The following AFG3L2 variants were observed in gnomAD, a reference collection of about 807,000 sequenced individuals.
The protein encoded by AFG3L2 is mitochondrial inner membrane m-AAA protease component AFG3L2.
AFG3L2 carries 54 observed loss-of-function variants against 94.5 expected under a neutral mutation model. The observed-to-expected ratio is 0.57, with a 90% CI of 0.46 to 0.72. The LOEUF (loss-of-function observed/expected upper bound fraction) is 0.72, where lower values mean the gene tolerates loss of function less well. Ranked by LOEUF, AFG3L2 falls within the 30% of genes least tolerant of loss-of-function variation. The pLI, the probability that AFG3L2 is intolerant of heterozygous loss-of-function variation, is 0.00. For synonymous variants in AFG3L2, 377 were observed against 365.5 expected, an observed-to-expected ratio of 1.03 and a Z score of -0.36; for missense variants, 754 against 994.9, an observed-to-expected ratio of 0.76 and a Z score of 3.26.
intron 9 of AFG3L2, among the ~76,000 whole-genome samples, chr18:12,354,099 G>A (rs1908408799): frequency 2.0e-5 from 3 of 148,930 alleles, no homozygotes. Context: ...CCTTCAAGGA[G>A]AATCAGAGAC....
At chr18:12,343,704 T>C (rs1598824946) in intron 14 of AFG3L2, 3 of 224,634 alleles carry the variant, frequency 1.3e-5, no homozygotes, top group South Asian at 1.3e-4. Context: ...TTGGTAGTTT[T>C]CTTGCTTCTG....
At chr18:12,342,035 T>G (rs1485741319) in intron 14 of AFG3L2, 1 of 152,062 alleles carries the variant, frequency 6.6e-6, no homozygotes, top group African/African-American at 2.4e-5. Context: ...TCTGGCTAAT[T>G]TTTCTATTTT....
intron 12 of AFG3L2, 82 bp from the exon 13 acceptor site, chr18:12,348,465 A>G (rs1435281914): frequency 6.5e-6 from 7 of 1,069,532 alleles, no homozygotes; most frequent in Non-Finnish European, 1.0e-5. Context: ...CCAAATCCAT[A>G]GTTAATTTTT....
Position 12,351,511 on chromosome 18 carries a change from C to T in AFG3L2, c.1319-98G>A. ...TATGAGCACTGCAAATTCATAGCTACAGTAAACACATTTTCTATTCATTAT... is the reference window on the plus strand; with the variant it reads ...TATGAGCACTGCAAATTCATAGCTATAGTAAACACATTTTCTATTCATTAT... On this transcript the variant is annotated intron_variant, in intron 10 of 16. Transcript: ENST00000269143. The T allele has an allele frequency of 5.0e-6, 5 of 993,450 alleles. No individual in the cohort carries two copies. The South Asian group carries it at 5.4e-5, about 11-fold the overall frequency. 61.5% of individuals were successfully genotyped at this position (993,450 alleles called of 1,614,324 possible).
intron 13 of AFG3L2, 123 bp from the exon 14 acceptor site, chr18:12,344,370 A>G: frequency 1.3e-6 from 1 of 799,650 alleles, no homozygotes; most frequent in Non-Finnish European, 2.1e-6. Context: ...GCTGCCTATC[A>G]CAATCCAAAA....
chr18:12,366,693 G>C (rs918026853), intron 5 of AFG3L2, among the ~76,000 whole-genome samples: 2 of 152,182 alleles, frequency 1.3e-5, no homozygotes, highest in African/African-American at 4.8e-5. Context: ...GGCGCAAGCA[G>C]AGGACTGCCA....
chr18:12,337,226 G>T, intron 16 of AFG3L2, 115 bp downstream of exon 16: 1 of 929,170 alleles, frequency 1.1e-6, no homozygotes, highest in Non-Finnish European at 1.8e-6. Context: ...CGGACCCATG[G>T]GTGAGCCAGA....
Position 12,356,691 on chromosome 18 carries a change from C to T in AFG3L2, c.1164+3G>A, listed in dbSNP as rs1325811534. 1 of 1,614,036 alleles carries T rather than the reference C, an allele frequency of 6.2e-7. No individual in the cohort carries two copies. The highest frequency in any genetic ancestry group is 1.3e-5 in the African/African-American group (1 of 74,908). Reference sequence around the variant, plus strand: ...TGTACCATCCGAACAGAATGAGACTCACTCTAGCAGGGCCCACACCAACGA... The same window carrying T: ...TGTACCATCCGAACAGAATGAGACTTACTCTAGCAGGGCCCACACCAACGA... On this transcript the variant is annotated splice_donor_region_variant and intron_variant, in intron 9 of 16. Transcript: ENST00000269143.
At chr18:12,333,055 AGAT>A (rs1480022552) in intron 16 of AFG3L2, among the ~76,000 whole-genome samples, 8 of 6,950 alleles carry the variant, frequency 1.2e-3, no homozygotes, top group South Asian at 0.016. Context: ...ATTATATAAT[AGAT>A]TATAATCTAT....
At position 12,348,311 on chromosome 18, in the gene AFG3L2, T is replaced by TG; in HGVS notation, c.1624dup (p.Gln542ProfsTer5). 6.2e-7 allele frequency: 1 copy of TG among 1,614,232 alleles called. No individual in the cohort carries two copies. Among genetic ancestry groups the TG allele is most frequent in the Non-Finnish European group, 8.5e-7 (1 of 1,180,046 alleles). ...TTCAATTGCCTGTTCAAAGTGTTTC[T>TG]GATTTATGGAATCTGACAGATGCCT... On this transcript the variant is annotated frameshift_variant, in exon 13 of 17. Transcript: ENST00000269143. LOFTEE classifies it high-confidence loss of function.
chr18:12,346,582 T>C (rs1478823014), intron 13 of AFG3L2, among the ~76,000 whole-genome samples: 2 of 152,092 alleles, frequency 1.3e-5, no homozygotes, highest in Admixed American at 6.6e-5. Context: ...TTCCCTACTC[T>C]TCAAAGCCAG....
At chr18:12,340,422 T>A in intron 14 of AFG3L2, 21 bp from the exon 15 acceptor site, 1 of 1,563,420 alleles carries the variant, frequency 6.4e-7, no homozygotes, top group Non-Finnish European at 8.8e-7. Context: ...GAAAACAGTG[T>A]TGAAGATCCT....
intron 5 of AFG3L2, among the ~76,000 whole-genome samples, chr18:12,365,557 C>A (rs117970381): frequency 2.6e-4 from 39 of 152,318 alleles, no homozygotes; most frequent in Non-Finnish European, 4.7e-4. Context: ...CCGATGTAAG[C>A]ATTTTGGAAT....
intron 15 of AFG3L2, 60 bp from the exon 16 acceptor site, chr18:12,337,595 A>G: frequency 6.4e-7 from 1 of 1,551,248 alleles, no homozygotes; most frequent in South Asian, 1.1e-5. Context: ...GACAAAATCT[A>G]CACAGCAGCC....
At chr18:12,330,735 G>A (rs1220871095) in intron 16 of AFG3L2, among the ~76,000 whole-genome samples, 3 of 151,270 alleles carry the variant, frequency 2.0e-5, no homozygotes, top group South Asian at 4.2e-4. Context: ...CCGAGATCGC[G>A]CCATTGCACT....
chr18:12,374,261 C>T (rs1042463341), intron 1 of AFG3L2, among the ~76,000 whole-genome samples: 1 of 152,184 alleles, frequency 6.6e-6, no homozygotes, highest in East Asian at 1.9e-4. Flanking sequence ...TACTAATTCA[C>T]AAAATTTAAG....
intron 13 of AFG3L2, 105 bp downstream of exon 13, chr18:12,348,167 AG>A: frequency 2.1e-6 from 2 of 934,490 alleles, no homozygotes; most frequent in Non-Finnish European, 3.4e-6. Flanking sequence ...CCCAGGGCTG[AG>A]TGGATACACT....
At chr18:12,339,383 T>C (rs1200199238) in intron 15 of AFG3L2, among the ~76,000 whole-genome samples, 2 of 149,048 alleles carry the variant, frequency 1.3e-5, no homozygotes, top group African/African-American at 5.0e-5. Context: ...AGAAACCCCG[T>C]CTCTACTAAA....
intron 13 of AFG3L2, among the ~76,000 whole-genome samples, chr18:12,344,832 T>C (rs1204946407): frequency 1.3e-5 from 2 of 152,058 alleles, no homozygotes; most frequent in Non-Finnish European, 2.9e-5. Flanking sequence ...ACCCTAACTC[T>C]CTCACTTTTA....
Sources: allele counts gnomAD v4.1 joint callset (sites outside exome capture counted in the v4.1 genomes callset), GRCh38; gene constraint gnomAD v4.1.1; transcripts MANE v1.5; gene names NCBI Gene and HGNC (gene_info 2026-07-23, HGNC 2026-07-21).